BAIAP2: variants seen among roughly 807,000 people sequenced by gnomAD.
The protein encoded by BAIAP2 is BAR/IMD domain containing adaptor protein 2.
BAIAP2 carries 18 observed loss-of-function variants against 63.0 expected under a neutral mutation model. That is an observed-to-expected ratio of 0.29 (90% confidence interval 0.20 to 0.42). The LOEUF (loss-of-function observed/expected upper bound fraction) is 0.42, where lower values mean the gene tolerates loss of function less well. Ranked by LOEUF, BAIAP2 falls within the 10% of genes least tolerant of loss-of-function variation. The pLI is 1.00. For missense variants in BAIAP2, 610 were observed against 734.3 expected, an observed-to-expected ratio of 0.83 and a Z score of 1.96; for synonymous variants, 386 against 307.6, an observed-to-expected ratio of 1.25 and a Z score of -2.67.
In BAIAP2 at chr17:81,086,428, T is replaced by C. The variant is rs760425980; in HGVS notation, c.352-15T>C. 4 of 1,612,902 alleles carry C rather than the reference T, an allele frequency of 2.5e-6. No homozygotes were observed. The highest frequency in any genetic ancestry group is 1.3e-5 in the African/African-American group (1 of 74,860). Reference sequence around the variant, plus strand: ...TCATGGGCCTTGGTTTTGTGTTTTATTGTTTGAATCTCAGGCTGCGCTGAA... The same window carrying C: ...TCATGGGCCTTGGTTTTGTGTTTTACTGTTTGAATCTCAGGCTGCGCTGAA... On this transcript the variant is annotated splice_polypyrimidine_tract_variant and intron_variant, in intron 5 of 13. Coordinates refer to ENST00000428708, the MANE Select transcript of BAIAP2 (RefSeq NM_001144888.2).
intron 13 of BAIAP2, 91 bp from the exon 14 acceptor site, chr17:81,115,679 T>C: frequency 6.7e-7 from 1 of 1,487,752 alleles, no homozygotes. Flanking sequence ...CATCCAGCAC[T>C]GGGGAATCCC....
intron 6 of BAIAP2, among the ~76,000 whole-genome samples, chr17:81,093,000 G>A (rs1339555622): frequency 6.6e-6 from 1 of 152,120 alleles, no homozygotes; most frequent in Non-Finnish European, 1.5e-5. Flanking sequence ...GGGGCAGGGA[G>A]CAGGGCCCGG....
chr17:81,096,504 C>T (rs143864405), intron 6 of BAIAP2, among the ~76,000 whole-genome samples: 2 of 152,376 alleles, frequency 1.3e-5, no homozygotes, highest in Non-Finnish European at 2.9e-5. Flanking sequence ...AGGAGCGGGG[C>T]AGGACCCTGC....
intron 13 of BAIAP2, among the ~76,000 whole-genome samples, chr17:81,114,739 A>C (rs1328273383): frequency 6.6e-6 from 1 of 152,176 alleles, no homozygotes. Flanking sequence ...GGGCAGCTGG[A>C]CGGAACCCTG....
intron 1 of BAIAP2, among the ~76,000 whole-genome samples, chr17:81,052,274 G>T (rs1010747228): frequency 4.6e-5 from 7 of 152,230 alleles, no homozygotes; most frequent in Non-Finnish European, 5.9e-5. Flanking sequence ...TCCCACTTCT[G>T]CGGAAGCGCT....
At position 81,103,555 on chromosome 17, in the gene BAIAP2, C is replaced by T. The variant is rs775840355; in HGVS notation, c.696C>T (p.Asp232=). 4.7e-5 allele frequency: 75 copies of T among 1,599,392 alleles called. No homozygotes were observed. The highest frequency in any genetic ancestry group is 6.3e-5 in the Non-Finnish European group (74 of 1,178,390). ...CGCTGTGGCAACAGGCCTGTGCCGA[C>T]CCCAGCAAGATCCCGGAGCGCGCGG... ...KLPLWQQACA[D]PSKIPERAVQ... is the part of the protein sequence containing the mutation. Residue 232 remains aspartate, a synonymous_variant, in exon 8 of 14, where the codon GAC becomes GAT. Coordinates refer to ENST00000428708, the MANE Select transcript of BAIAP2 (RefSeq NM_001144888.2).
At chr17:81,110,914 C>T (rs761578403) in intron 13 of BAIAP2, 21 of 1,613,880 alleles carry the variant, frequency 1.3e-5, no homozygotes, top group Admixed American at 3.3e-5. Context: ...TTCCTTGCAG[C>T]GCCGATGTGG....
intron 2 of BAIAP2, among the ~76,000 whole-genome samples, chr17:81,056,753 G>T (rs1046960385): frequency 6.6e-6 from 1 of 152,256 alleles, no homozygotes; most frequent in Admixed American, 6.5e-5. Context: ...CGTCCAGGCA[G>T]CACCGCCACC....
rs2060547029 is a variant in BAIAP2, at chr17:81,116,534, G to A, written c.*695G>A. The A allele has an allele frequency of 1.5e-5, 9 of 599,158 alleles. No homozygotes were observed. Among genetic ancestry groups the A allele is most frequent in the Non-Finnish European group, 2.3e-5 (8 of 344,490 alleles). The allele number at this position is 599,158 out of a possible 1,614,324, so 37.1% of individuals were successfully genotyped here. On this transcript the variant is annotated 3_prime_UTR_variant, in exon 14 of 14. Transcript: ENST00000428708. ...CCAGGGCCTCCCAGCTCGCTCCTGC[G>A]GCCAAAGGCCAGCTGTCAGGTGCTA...
chr17:81,113,765 A>G (rs1197458934), intron 13 of BAIAP2, among the ~76,000 whole-genome samples: 4 of 152,300 alleles, frequency 2.6e-5, no homozygotes, highest in East Asian at 3.9e-4. Context: ...AATGCAGGTT[A>G]GAGAACAGGC....
At chr17:81,049,465 G>T (rs546792411) in intron 1 of BAIAP2, among the ~76,000 whole-genome samples, 2 of 152,250 alleles carry the variant, frequency 1.3e-5, no homozygotes, top group African/African-American at 4.8e-5. Flanking sequence ...GTTTTTCTGG[G>T]TTTTTTGCAC....
chr17:81,051,365 C>T (rs542016193), intron 1 of BAIAP2, among the ~76,000 whole-genome samples: 1 of 152,306 alleles, frequency 6.6e-6, no homozygotes, highest in Non-Finnish European at 1.5e-5. Flanking sequence ...TCTGAGCAGC[C>T]AGAGGGATCT....
At chr17:81,098,308 A>ACT in intron 6 of BAIAP2, 4 of 745,108 alleles carry the variant, frequency 5.4e-6, no homozygotes, top group Non-Finnish European at 7.3e-6. Flanking sequence ...CTTCTTCGCC[A>ACT]CTCTCTCCCC....
rs553479624 is a variant in BAIAP2 at position 81,085,575 on chromosome 17, C to T, written c.280-79C>T. ...GGACACCCGGTGTCTCGTGCCCATC[C>T]GCTCTAGCCCTGCCCTGCCTCCTGT... On this transcript the variant is annotated intron_variant, in intron 4 of 13. Transcript: ENST00000428708. 2.2e-4 allele frequency: 273 copies of T among 1,254,256 alleles called. 1 individual carries two copies. The highest frequency in any genetic ancestry group is 2.5e-4 in the African/African-American group (17 of 67,994). 77.7% of individuals were successfully genotyped at this position (1,254,256 alleles called of 1,614,324 possible). A position where few individuals can be genotyped will look rare whatever the true frequency, so the allele number is the denominator to read the frequency against.
chr17:81,077,228 C>A (rs1156898195), intron 3 of BAIAP2, among the ~76,000 whole-genome samples: 4 of 152,176 alleles, frequency 2.6e-5, no homozygotes, highest in Non-Finnish European at 4.4e-5. Context: ...GCGCATGATG[C>A]TGACGATGCC....
intron 3 of BAIAP2, among the ~76,000 whole-genome samples, chr17:81,072,652 C>G (rs2052903914): frequency 6.6e-6 from 1 of 152,212 alleles, no homozygotes. Flanking sequence ...TCAACCTTTG[C>G]AGACACCTGC....
rs1467348606 is a variant in BAIAP2 at position 81,106,861 on chromosome 17, G to T, written c.1454G>T (p.Gly485Val). The change falls in exon 12 of 14, where the codon GGC becomes GTC. Residue 485 changes from glycine to valine, a missense_variant. This residue lies in a region of BAIAP2 where 114 missense variants were observed against 98.2 expected (regional missense o/e 1.16). Coordinates refer to ENST00000428708, the MANE Select transcript of BAIAP2 (RefSeq NM_001144888.2). Reference protein sequence around the residue: ...SRAFPAQTASGFKQRPYSVAV... With the variant: ...SRAFPAQTASVFKQRPYSVAV... ...GCCTTCCCCGCCCAGACGGCCAGCGGCTTCAAGCAGAGGCCCTACAGTGTG... is the reference window on the plus strand; with the variant it reads ...GCCTTCCCCGCCCAGACGGCCAGCGTCTTCAAGCAGAGGCCCTACAGTGTG... 6 of 1,605,500 alleles carry T rather than the reference G, an allele frequency of 3.7e-6. No individual in the cohort carries two copies. Among genetic ancestry groups the T allele is most frequent in the Non-Finnish European group, 5.1e-6 (6 of 1,176,322 alleles).
At chr17:81,089,142 CAG>C (rs1304396516) in intron 6 of BAIAP2, among the ~76,000 whole-genome samples, 3 of 152,280 alleles carry the variant, frequency 2.0e-5, no homozygotes, top group African/African-American at 4.8e-5. Flanking sequence ...CCATCCCACA[CAG>C]GGGTTTTGGA....
chr17:81,074,652 CTG>C (rs1354789266), intron 3 of BAIAP2, among the ~76,000 whole-genome samples: 2 of 133,662 alleles, frequency 1.5e-5, no homozygotes, highest in Non-Finnish European at 3.2e-5. Context: ...TTGAGTGCCT[CTG>C]TGTCTGCGTG....
Sources: gnomAD v4.1 joint callset for allele counts (sites outside exome capture counted in the v4.1 genomes callset) on GRCh38, gnomAD v4.1.1 for gene constraint, gnomAD v4.1.1 regional missense constraint, MANE v1.5 for transcripts, NCBI Gene and HGNC (gene_info 2026-07-23, HGNC 2026-07-21) for gene names.